Variants in KCNIP4 observed in about 807,000 individuals in gnomAD.
KCNIP4 encodes Kv channel-interacting protein 4.
Under a neutral mutation model 34.0 loss-of-function variants are expected in KCNIP4, and 12 were observed. The observed-to-expected ratio is 0.35, with a 90% confidence interval of 0.23 to 0.57. The LOEUF (loss-of-function observed/expected upper bound fraction) is 0.57. Ranked by LOEUF, KCNIP4 falls within the 20% of genes least tolerant of loss-of-function variation. KCNIP4 has a pLI of 0.83. For synonymous variants in KCNIP4, 124 were observed against 102.2 expected (o/e 1.21, Z -1.29); for missense variants, 238 against 311.7 (o/e 0.76, Z 1.78).
intron 1 of KCNIP4, among the ~76,000 whole-genome samples, chr4:21,515,469 T>G (rs1433786252): frequency 6.6e-6 from 1 of 152,004 alleles, no homozygotes; most frequent in Non-Finnish European, 1.5e-5. Flanking sequence ...AAACCCCGTC[T>G]CTACTAAAAA....
chr4:21,910,851 T>C (rs1486488166), intron 1 of KCNIP4, among the ~76,000 whole-genome samples: 1 of 152,200 alleles, frequency 6.6e-6, no homozygotes, highest in East Asian at 1.9e-4. Context: ...TTTAAGATCA[T>C]TTGTTAAGTG....
At chr4:21,217,864 C>G (rs1757700319) in intron 1 of KCNIP4, among the ~76,000 whole-genome samples, 1 of 151,814 alleles carries the variant, frequency 6.6e-6, no homozygotes, top group South Asian at 2.1e-4. Context: ...TAGTATAGCC[C>G]ATGAGAGAAA....
At chr4:21,008,243 G>T (rs1437257064) in intron 1 of KCNIP4, among the ~76,000 whole-genome samples, 1 of 152,094 alleles carries the variant, frequency 6.6e-6, no homozygotes, top group Non-Finnish European at 1.5e-5. Context: ...CACTTCTCAA[G>T]ATTTGCTACC....
chr4:21,836,367 G>C (rs965283263), intron 1 of KCNIP4, among the ~76,000 whole-genome samples: 3 of 152,080 alleles, frequency 2.0e-5, no homozygotes. Context: ...GGAGATAATT[G>C]CCTCTCCACT....
chr4:21,870,642 T>C (rs1725732439), intron 1 of KCNIP4, among the ~76,000 whole-genome samples: 1 of 152,238 alleles, frequency 6.6e-6, no homozygotes, highest in African/African-American at 2.4e-5. Context: ...TTGAGCAGCT[T>C]GCTTCGCCTC....
At chr4:21,777,847 C>G (rs1383525182) in intron 1 of KCNIP4, among the ~76,000 whole-genome samples, 11 of 152,068 alleles carry the variant, frequency 7.2e-5, no homozygotes, top group African/African-American at 2.2e-4. Flanking sequence ...TATGATTTTC[C>G]TCTTATATAC....
intron 1 of KCNIP4, among the ~76,000 whole-genome samples, chr4:21,651,319 G>A (rs1316671506): frequency 6.6e-6 from 1 of 152,158 alleles, no homozygotes; most frequent in East Asian, 1.9e-4. Context: ...ATCTTCAGGA[G>A]GGCTGGACAG....
intron 1 of KCNIP4, among the ~76,000 whole-genome samples, chr4:21,868,845 C>A (rs149486463): frequency 6.6e-6 from 1 of 152,090 alleles, no homozygotes; most frequent in Non-Finnish European, 1.5e-5. Context: ...AAGAAAAAAA[C>A]CCATTGGAAC....
chr4:21,322,259 A>G (rs1714578755), intron 1 of KCNIP4, among the ~76,000 whole-genome samples: 1 of 152,174 alleles, frequency 6.6e-6, no homozygotes, highest in Admixed American at 6.5e-5. Flanking sequence ...TGGCAGTTCT[A>G]AGGCAGAATG....
intron 1 of KCNIP4, among the ~76,000 whole-genome samples, chr4:20,941,191 T>C (rs938049360): frequency 2.0e-5 from 3 of 152,222 alleles, no homozygotes; most frequent in Non-Finnish European, 4.4e-5. Flanking sequence ...CTAATTTCTA[T>C]TCACATGTAT....
chr4:20,915,405 T>A (rs953401704), intron 1 of KCNIP4, among the ~76,000 whole-genome samples: 3 of 152,206 alleles, frequency 2.0e-5, no homozygotes, highest in Non-Finnish European at 2.9e-5. Flanking sequence ...TTGGGTGACA[T>A]ATACTCAGAC....
rs537245418 is a variant in KCNIP4, at chr4:21,086,163, C to A, written c.62-203454G>T. 2.0e-5 allele frequency among the ~76,000 whole-genome samples: 3 copies of A among 152,226 alleles called. No individual in the cohort carries two copies. In the South Asian group the frequency reaches 6.2e-4, roughly 32 times the overall value. ...AGTTGTATTTTTTTCATCCTACCAC[C>A]CCTGGAGTGCCTAACGATTCTATAT... is the stretch of plus-strand genomic sequence containing the variant. On this transcript the variant is annotated intron_variant, in intron 1 of 8. Coordinates refer to ENST00000382152, the MANE Select transcript of KCNIP4 (RefSeq NM_025221.6).
chr4:20,756,810 A>G (rs1368066097), intron 4 of KCNIP4, among the ~76,000 whole-genome samples: 6 of 151,864 alleles, frequency 4.0e-5, no homozygotes, highest in Non-Finnish European at 8.8e-5. Flanking sequence ...TATTTCCATA[A>G]ACTGTTCATT....
chr4:21,349,014 G>T (rs1240001249), intron 1 of KCNIP4, among the ~76,000 whole-genome samples: 1 of 152,176 alleles, frequency 6.6e-6, no homozygotes, highest in Admixed American at 6.6e-5. Context: ...GGGAATAAAC[G>T]AGTTGGTTGA....
At chr4:21,850,629 G>A (rs749884341) in intron 1 of KCNIP4, 7 of 151,952 alleles carry the variant, frequency 4.6e-5, no homozygotes, top group Admixed American at 6.6e-5. Context: ...CCAGTTTCAA[G>A]TATTTTGTTA....
chr4:21,665,108 G>A (rs138875109), intron 1 of KCNIP4, among the ~76,000 whole-genome samples: 452 of 152,088 alleles, frequency 3.0e-3, no homozygotes, highest in African/African-American at 0.01. Flanking sequence ...ACATATAGTG[G>A]GCTCTCAATA....
At chr4:21,638,071 C>G (rs1746349372) in intron 1 of KCNIP4, among the ~76,000 whole-genome samples, 1 of 152,130 alleles carries the variant, frequency 6.6e-6, no homozygotes, top group Non-Finnish European at 1.5e-5. Flanking sequence ...TATAACACAT[C>G]AGTACTTTTG....
chr4:20,847,716 G>A (rs1016869479), intron 3 of KCNIP4, among the ~76,000 whole-genome samples: 1 of 152,124 alleles, frequency 6.6e-6, no homozygotes, highest in Non-Finnish European at 1.5e-5. Flanking sequence ...GATACCATAT[G>A]GGAAAAAATT....
At chr4:21,569,403 G>T (rs1483053856) in intron 1 of KCNIP4, among the ~76,000 whole-genome samples, 2 of 151,850 alleles carry the variant, frequency 1.3e-5, no homozygotes, top group Non-Finnish European at 2.9e-5. Flanking sequence ...GCTAGTGAAA[G>T]AATTATAAAG....
Sources: gnomAD v4.1 joint callset for allele counts (sites outside exome capture counted in the v4.1 genomes callset) on GRCh38, gnomAD v4.1.1 for gene constraint, MANE v1.5 for transcripts, NCBI Gene and HGNC (gene_info 2026-07-23, HGNC 2026-07-21) for gene names.